Variants in TTLL8 observed in about 807,000 individuals in gnomAD.
The protein encoded by TTLL8 is protein monoglycylase TTLL8.
A neutral mutation model predicts 77.8 loss-of-function variants in TTLL8; 65 were observed. That is an observed-to-expected ratio of 0.84 (90% CI 0.68 to 1.03). The LOEUF is 1.03. TTLL8 is among the 50% of genes least tolerant of loss of function. The pLI is 0.00. For synonymous variants in TTLL8, 402 were observed against 422.8 expected (o/e 0.95, Z 0.60); for missense variants, 910 against 1,004.5 (o/e 0.91, Z 1.27).
In TTLL8 at chr22:50,050,092, C is replaced by T. The variant is rs755571960; in HGVS notation, c.190+17G>A. The T allele has an allele frequency of 1.3e-5, 18 of 1,364,810 alleles. No homozygotes were observed. Among genetic ancestry groups the T allele is most frequent in the African/African-American group, 1.0e-4 (7 of 67,670 alleles). 84.5% of individuals were successfully genotyped at this position (1,364,810 alleles called of 1,614,324 possible). A position where few individuals can be genotyped will look rare whatever the true frequency, so the allele number is the denominator to read the frequency against. On this transcript the variant is annotated intron_variant, in intron 2 of 13. Transcript: ENST00000266182. ...CGCACACGCCCTGAGCTGAGACGTG[C>T]GCCTCCGATACGCTACCATTGACCC...
At position 50,034,115 on chromosome 22, in the gene TTLL8, C is replaced by T. The variant is rs11704066; in HGVS notation, c.1039+230G>A. 1.3e-5 allele frequency among the ~76,000 whole-genome samples: 2 copies of T among 152,170 alleles called. No individual in the cohort carries two copies. The highest frequency in any genetic ancestry group is 2.9e-5 in the Non-Finnish European group (2 of 68,032). The stretch of plus-strand genomic sequence containing the variant: ...GTTTGTGAATACAAAGGAGGAAATC[C>T]TGATTAACCCATCAACCCGGATCCT... On this transcript the variant is annotated intron_variant, in intron 9 of 13. Coordinates refer to ENST00000266182, the Ensembl canonical transcript of TTLL8. This position sits in a 1 kb window ranked among gnomAD's most constrained non-coding sequence, Gnocchi z 4.1.
In TTLL8 at chr22:50,049,024, G is replaced by A. The variant is rs138687986; in HGVS notation, c.264+225C>T. On this transcript the variant is annotated intron_variant, in intron 3 of 13. Coordinates refer to ENST00000266182, the Ensembl canonical transcript of TTLL8. ...TGGGTGGAGGGGAGCTGGGAGCACC[G>A]GGTCCACCCACTACACAGCGGCTCA... Among the ~76,000 whole-genome samples the A allele has an allele frequency of 3.6e-3, 556 of 152,344 alleles. 1 individual carries two copies. The highest frequency in any genetic ancestry group is 0.01 in the Admixed American group (158 of 15,312).
chr22:50,031,005 G>A (rs2061287217), intron 11 of TTLL8, 80 bp from the exon 13 acceptor site: 1 of 1,185,684 alleles, frequency 8.4e-7, no homozygotes, highest in Non-Finnish European at 1.1e-6. Flanking sequence ...TGTGCAGGAG[G>A]GGCTGGTCGG....
chr22:50,045,348 C>T (rs1323619687), exon 6 of TTLL8: 1 of 1,366,160 alleles, frequency 7.3e-7, no homozygotes, highest in Non-Finnish European at 9.8e-7. Context: ...TGGCTGACCA[C>T]CCACTTGAGG....
intron 12 of TTLL8, among the ~76,000 whole-genome samples, chr22:50,021,514 T>G: frequency 6.8e-6 from 1 of 148,132 alleles, no homozygotes. Flanking sequence ...TGACGTGCAC[T>G]CCTCCATCTG....
intron 8 of TTLL8, among the ~76,000 whole-genome samples, chr22:50,035,889 G>A (rs144556431): frequency 6.6e-6 from 1 of 152,356 alleles, no homozygotes; most frequent in Non-Finnish European, 1.5e-5. Flanking sequence ...ACATTGGAAG[G>A]TGGTATTTGG....
At chr22:50,036,809 G>C (rs1409810005) in intron 8 of TTLL8, among the ~76,000 whole-genome samples, 2 of 151,916 alleles carry the variant, frequency 1.3e-5, no homozygotes, top group African/African-American at 4.8e-5. Context: ...TTTTTGCCAG[G>C]CTGGTCTCAA....
chr22:50,032,758 G>A (rs2146651308), intron 10 of TTLL8, among the ~76,000 whole-genome samples: 1 of 152,312 alleles, frequency 6.6e-6, no homozygotes, highest in Non-Finnish European at 1.5e-5. Context: ...GCACACTCCT[G>A]AGGACTCCAC....
At chr22:50,047,553 G>C (rs56043892) in intron 3 of TTLL8, among the ~76,000 whole-genome samples, 9,465 of 152,268 alleles carry the variant, frequency 0.062, 379 homozygotes, top group Middle Eastern at 0.13. Flanking sequence ...GGTGGGGTCT[G>C]AGCCGTCCGC....
At chr22:50,056,944 C>T, upstream of TTLL8, 5 of 1,289,718 alleles carry the variant, frequency 3.9e-6, no homozygotes, top group Non-Finnish European at 5.1e-6. The surrounding 1 kb of genome is among the most constrained non-coding windows in gnomAD (Gnocchi z 4.1). Flanking sequence ...ATACTGGCCT[C>T]CGACAGCTTG....
At position 50,034,085 on chromosome 22, in the gene TTLL8, G is replaced by A. The variant is rs1179605114; in HGVS notation, c.1039+260C>T. ...ATAAAAAACTAAAAAGGAAAGCATA[G>A]ACCAGTTTGTGAATACAAAGGAGGA... On this transcript the variant is annotated intron_variant, in intron 9 of 13. Coordinates refer to ENST00000266182, the Ensembl canonical transcript of TTLL8. This position sits in a 1 kb window ranked among gnomAD's most constrained non-coding sequence, Gnocchi z 4.1. 6.6e-6 allele frequency among the ~76,000 whole-genome samples: 1 copy of A among 152,176 alleles called. No individual in the cohort carries two copies. The highest frequency in any genetic ancestry group is 6.5e-5 in the Admixed American group (1 of 15,276).
At chr22:50,025,829 A>T (rs1275559525) in intron 12 of TTLL8, among the ~76,000 whole-genome samples, 1 of 152,180 alleles carries the variant, frequency 6.6e-6, no homozygotes, top group East Asian at 1.9e-4. Flanking sequence ...AATTAAAACC[A>T]CGATGAGATA....
exon 12 of TTLL8, chr22:50,030,652 C>T (rs753801397): frequency 7.8e-6 from 10 of 1,281,904 alleles, no homozygotes; most frequent in African/African-American, 1.5e-5. Flanking sequence ...GCGGCTCCAC[C>T]GCTCTCGGCT....
intron 1 of TTLL8, among the ~76,000 whole-genome samples, chr22:50,054,024 G>A (rs138103688): frequency 5.9e-5 from 9 of 151,344 alleles, no homozygotes; most frequent in African/African-American, 1.5e-4. Flanking sequence ...ATTTGTACAC[G>A]TTCTGCTCTC....
At chr22:50,045,501 C>T (rs925382314) in intron 5 of TTLL8, 112 bp from the exon 8 acceptor site, 8 of 934,866 alleles carry the variant, frequency 8.6e-6, no homozygotes, top group East Asian at 5.5e-5. Context: ...CCCTCATAGC[C>T]GATGGGGCCC....
upstream of TTLL8, among the ~76,000 whole-genome samples, chr22:50,055,655 CA>C (rs144375344): frequency 0.017 from 1,881 of 110,434 alleles, 18 homozygotes; most frequent in African/African-American, 0.034. Context: ...AACTCTGTCT[CA>C]AAAAAAAAAA....
At chr22:50,047,235 T>C (rs1413795775) in exon 4 of TTLL8, 3 of 1,367,664 alleles carry the variant, frequency 2.2e-6, no homozygotes, top group Admixed American at 3.8e-5. Context: ...GCTGTGATAG[T>C]CAATGATGTC....
At position 50,041,644 on chromosome 22, in the gene TTLL8, G is replaced by A. The variant is rs61739686; in HGVS notation, c.807C>T (p.Thr269=). ...ACTGAACGAGGGAGTAGTACTGCTG[G>A]GTCAGGTCCTCCCACTCGGCCTCAG... is the stretch of plus-strand genomic sequence containing the variant. The change falls in exon 7 of 14, where the codon ACC becomes ACT. Residue 269 remains threonine (T), a synonymous_variant. Coordinates refer to ENST00000266182, the Ensembl canonical transcript of TTLL8. This position sits in a 1 kb window ranked among gnomAD's most constrained non-coding sequence, Gnocchi z 4.3. 7.9e-4 allele frequency: 1,081 copies of A among 1,366,006 alleles called. 11 individuals carry two copies. In the African/African-American group the frequency reaches 0.014, roughly 18 times the overall value. 84.6% of individuals were successfully genotyped at this position (1,366,006 alleles called of 1,614,324 possible).
intron 12 of TTLL8, among the ~76,000 whole-genome samples, chr22:50,029,982 G>A (rs1171575459): frequency 6.6e-6 from 1 of 152,212 alleles, no homozygotes; most frequent in East Asian, 1.9e-4. Flanking sequence ...GCCGGGCGTG[G>A]TGGCTCAGGC....
Sources: gnomAD v4.1 joint callset for allele counts (sites outside exome capture counted in the v4.1 genomes callset) on GRCh38, gnomAD v4.1.1 for gene constraint, Gnocchi (gnomAD v3.1) non-coding constraint, MANE v1.5 for transcripts, NCBI Gene and HGNC (gene_info 2026-07-23, HGNC 2026-07-21) for gene names.